The following RAB3GAP1 variants were observed in gnomAD, a reference collection of about 807,000 sequenced individuals.
RAB3GAP1 encodes RAB3 GTPase activating protein catalytic subunit 1.
RAB3GAP1 carries 86 observed loss-of-function variants against 130.7 expected under a neutral mutation model. The observed-to-expected ratio is 0.66, with a 90% CI of 0.55 to 0.79. The LOEUF (loss-of-function observed/expected upper bound fraction) is 0.79. Ranked by LOEUF, RAB3GAP1 falls within the 30% of genes least tolerant of loss-of-function variation. The probability of loss-of-function intolerance (pLI) is 0.00; values close to 1 mark genes in which losing one functional copy is unlikely to be tolerated. For synonymous variants in RAB3GAP1, 367 were observed against 401.7 expected (o/e 0.91, Z 1.03); for missense variants, 1,029 against 1,169.4 (o/e 0.88, Z 1.75).
At chr2:135,082,230 T>A (rs1043593481) in intron 3 of RAB3GAP1, among the ~76,000 whole-genome samples, 23 of 152,138 alleles carry the variant, frequency 1.5e-4, no homozygotes, top group Admixed American at 1.4e-3. Flanking sequence ...TTAAGGCATA[T>A]AATTCAGTGG....
chr2:135,062,311 T>TA (rs1689200343), intron 3 of RAB3GAP1, among the ~76,000 whole-genome samples: 1 of 152,246 alleles, frequency 6.6e-6, no homozygotes, highest in South Asian at 2.1e-4. Flanking sequence ...CATTGTCAAA[T>TA]ATTTAATAGT....
At chr2:135,130,318 A>C (rs1257249113) in intron 12 of RAB3GAP1, among the ~76,000 whole-genome samples, 1 of 152,210 alleles carries the variant, frequency 6.6e-6, no homozygotes, top group Non-Finnish European at 1.5e-5. Flanking sequence ...TGAAAAGCAG[A>C]GTTTTAGAGG....
At chr2:135,127,847 T>C (rs1223461550) in intron 11 of RAB3GAP1, among the ~76,000 whole-genome samples, 1 of 152,224 alleles carries the variant, frequency 6.6e-6, no homozygotes, top group African/African-American at 2.4e-5. Flanking sequence ...GTGTCTTATG[T>C]CTGGGATTCG....
chr2:135,084,229 G>A (rs962116795), intron 3 of RAB3GAP1, among the ~76,000 whole-genome samples: 3 of 152,150 alleles, frequency 2.0e-5, no homozygotes, highest in Admixed American at 1.3e-4. Flanking sequence ...TGGGCAACAA[G>A]AGCGAAACTC....
intron 7 of RAB3GAP1, among the ~76,000 whole-genome samples, chr2:135,117,793 C>CTTCTTCTTCTTCTTCT (rs1691070755): frequency 6.7e-6 from 1 of 149,628 alleles, no homozygotes; most frequent in Admixed American, 6.6e-5. Context: ...TCTGCTTCTT[C>CTTCTTCTTCTTCTTCT]TTCTTCTTCT....
chr2:135,128,378 CATAG>C (rs1691417778), intron 11 of RAB3GAP1, among the ~76,000 whole-genome samples: 1 of 152,186 alleles, frequency 6.6e-6, no homozygotes, highest in South Asian at 2.1e-4. Context: ...GTACTTACTT[CATAG>C]GGTTATTGGG....
chr2:135,168,205 C>T (rs1276529053), intron 23 of RAB3GAP1, among the ~76,000 whole-genome samples: 2 of 152,188 alleles, frequency 1.3e-5, no homozygotes, highest in African/African-American at 4.8e-5. Context: ...GGCTGTCAGA[C>T]GTAGACTTGG....
At chr2:135,113,917 T>G (rs1447340519) in intron 6 of RAB3GAP1, among the ~76,000 whole-genome samples, 1 of 152,078 alleles carries the variant, frequency 6.6e-6, no homozygotes, top group African/African-American at 2.4e-5. Flanking sequence ...TTATTTTTAT[T>G]TTTTAAATTT....
At chr2:135,095,088 G>A (rs562629506) in intron 5 of RAB3GAP1, among the ~76,000 whole-genome samples, 24 of 151,946 alleles carry the variant, frequency 1.6e-4, no homozygotes, top group African/African-American at 4.3e-4. Flanking sequence ...TCACTCTGTC[G>A]CCCAGGCTGG....
At chr2:135,141,223 TA>T (rs1383355687) in intron 17 of RAB3GAP1, among the ~76,000 whole-genome samples, 4 of 142,274 alleles carry the variant, frequency 2.8e-5, no homozygotes, top group African/African-American at 1.2e-4. Context: ...TCTATTCACT[TA>T]CTTCTTTTTT....
chr2:135,096,069 G>A (rs1690284681), intron 5 of RAB3GAP1, among the ~76,000 whole-genome samples: 1 of 152,132 alleles, frequency 6.6e-6, no homozygotes, highest in Non-Finnish European at 1.5e-5. Flanking sequence ...AGATAAGGAG[G>A]GACTATTTAC....
At chr2:135,073,380 G>A (rs547686110) in intron 3 of RAB3GAP1, among the ~76,000 whole-genome samples, 2 of 152,274 alleles carry the variant, frequency 1.3e-5, no homozygotes, top group Non-Finnish European at 2.9e-5. Flanking sequence ...CCTTTGTTTT[G>A]TTGATGCCAA....
At chr2:135,084,225 A>G (rs1392956948) in intron 3 of RAB3GAP1, among the ~76,000 whole-genome samples, 1 of 152,208 alleles carries the variant, frequency 6.6e-6, no homozygotes, top group Non-Finnish European at 1.5e-5. Context: ...AGCCTGGGCA[A>G]CAAGAGCGAA....
Position 135,133,843 on chromosome 2 carries a change from C to T in RAB3GAP1, c.1327-18C>T. On this transcript the variant is annotated intron_variant, in intron 14 of 23. Coordinates refer to ENST00000264158, the MANE Select transcript of RAB3GAP1 (RefSeq NM_012233.3). ...TTTTGGTAACAAGTTTGCTTTGTTTCTATTTTGTTAAATTTAGAATCTCTA... is the reference window on the plus strand; with the variant it reads ...TTTTGGTAACAAGTTTGCTTTGTTTTTATTTTGTTAAATTTAGAATCTCTA... The T allele has an allele frequency of 6.2e-7, 1 of 1,610,172 alleles. No homozygotes were observed. Among genetic ancestry groups the T allele is most frequent in the Non-Finnish European group, 8.5e-7 (1 of 1,176,896 alleles).
At chr2:135,073,486 T>G (rs576194877) in intron 3 of RAB3GAP1, among the ~76,000 whole-genome samples, 2 of 152,300 alleles carry the variant, frequency 1.3e-5, no homozygotes, top group South Asian at 4.1e-4. Context: ...CTTTAGGCAG[T>G]CCCATTTTTA....
At chr2:135,121,048 G>GT in intron 8 of RAB3GAP1, 130 bp downstream of exon 8, 1 of 775,168 alleles carries the variant, frequency 1.3e-6, no homozygotes, top group South Asian at 1.5e-5. Flanking sequence ...CATTTTAAAT[G>GT]TAATATTATT....
intron 23 of RAB3GAP1, among the ~76,000 whole-genome samples, chr2:135,166,111 A>G (rs1692641071): frequency 6.6e-6 from 1 of 152,036 alleles, no homozygotes; most frequent in South Asian, 2.1e-4. Flanking sequence ...GGCAGAGGTT[A>G]CAGTGAGCTG....
At chr2:135,147,893 T>C (rs1264974184) in intron 17 of RAB3GAP1, among the ~76,000 whole-genome samples, 1 of 152,152 alleles carries the variant, frequency 6.6e-6, no homozygotes, top group African/African-American at 2.4e-5. Context: ...TAATAAACAG[T>C]CTGAAAAAGT....
At chr2:135,163,905 G>T (rs540734772) in intron 22 of RAB3GAP1, among the ~76,000 whole-genome samples, 2 of 152,312 alleles carry the variant, frequency 1.3e-5, no homozygotes, top group East Asian at 3.9e-4. Flanking sequence ...GTTAGGTGAA[G>T]TTTTCTCCCA....
Sources: allele counts gnomAD v4.1 joint callset (sites outside exome capture counted in the v4.1 genomes callset), GRCh38; gene constraint gnomAD v4.1.1; transcripts MANE v1.5; gene names NCBI Gene and HGNC (gene_info 2026-07-23, HGNC 2026-07-21).